Variants in PALLD observed in about 807,000 individuals in gnomAD.
PALLD encodes the protein palladin.
PALLD carries 61 observed loss-of-function variants against 123.5 expected under a neutral mutation model. The observed-to-expected ratio is 0.49, with a 90% CI of 0.40 to 0.61. PALLD has a LOEUF of 0.61. PALLD is among the 20% of genes least tolerant of loss of function. The probability of loss-of-function intolerance (pLI) is 0.00; values close to 1 mark genes in which losing one functional copy is unlikely to be tolerated. For missense variants in PALLD, 1,273 were observed against 1,377.0 expected, an observed-to-expected ratio of 0.92 and a Z score of 1.20; for synonymous variants, 465 against 496.4, an observed-to-expected ratio of 0.94 and a Z score of 0.84.
chr4:168,667,882 A>G (rs527711924), intron 2 of PALLD, among the ~76,000 whole-genome samples: 296 of 152,340 alleles, frequency 1.9e-3, no homozygotes, highest in African/African-American at 6.8e-3. Context: ...TATTTGTTAT[A>G]AAGCATTTTA....
intron 2 of PALLD, among the ~76,000 whole-genome samples, chr4:168,560,583 G>A (rs948189974): frequency 1.3e-5 from 2 of 152,154 alleles, no homozygotes; most frequent in African/African-American, 4.8e-5. Flanking sequence ...ATCCTAAAAT[G>A]ATTTAAGTGA....
At chr4:168,773,367 A>G (rs2150511195) in intron 10 of PALLD, among the ~76,000 whole-genome samples, 1 of 152,316 alleles carries the variant, frequency 6.6e-6, no homozygotes, top group South Asian at 2.1e-4. Context: ...AGCCCTAGAA[A>G]TAGTCTGGAC....
intron 10 of PALLD, among the ~76,000 whole-genome samples, chr4:168,802,261 C>T (rs1249587858): frequency 2.0e-5 from 3 of 152,168 alleles, no homozygotes; most frequent in Non-Finnish European, 2.9e-5. Flanking sequence ...ACAATAGGAT[C>T]GCTCAAACAA....
intron 10 of PALLD, among the ~76,000 whole-genome samples, chr4:168,785,167 T>A (rs1026496002): frequency 4.0e-5 from 6 of 150,908 alleles, no homozygotes; most frequent in Admixed American, 2.0e-4. Flanking sequence ...GCTGTTAGTA[T>A]GGAATTAGTT....
chr4:168,923,936 G>C (rs367714805), intron 18 of PALLD, among the ~76,000 whole-genome samples: 1 of 151,670 alleles, frequency 6.6e-6, no homozygotes, highest in African/African-American at 2.4e-5. Context: ...ATCACTAGTA[G>C]TGAAGCCATC....
At chr4:168,505,062 T>C (rs1334585378) in intron 1 of PALLD, 4 of 152,252 alleles carry the variant, frequency 2.6e-5, no homozygotes, top group Non-Finnish European at 5.9e-5. Context: ...TTTGGAGTGC[T>C]GACTGACATG....
Position 168,668,347 on chromosome 4 carries a change from TCTG to T in PALLD, c.1070_1072del (p.Ala357del). On this transcript the variant is annotated inframe_deletion, in exon 3 of 22. Coordinates refer to ENST00000505667, the MANE Select transcript of PALLD (RefSeq NM_001166108.2). ...GAATCCCAGCGGCTCAGACACAACA[TCTG>T]CTGAGGTGTTCATTGAAGGTAAGGA... is the stretch of plus-strand genomic sequence containing the variant. 1 of 1,609,036 alleles carries T rather than the reference TCTG, an allele frequency of 6.2e-7. No homozygotes were observed.
At chr4:168,737,465 C>T (rs1024815402) in intron 10 of PALLD, among the ~76,000 whole-genome samples, 3 of 151,942 alleles carry the variant, frequency 2.0e-5, no homozygotes, top group African/African-American at 7.2e-5. Context: ...AGGGTTTTCT[C>T]TATGTACAAC....
intron 3 of PALLD, among the ~76,000 whole-genome samples, chr4:168,673,658 AG>A (rs1780527291): frequency 1.3e-5 from 2 of 152,252 alleles, no homozygotes; most frequent in South Asian, 4.1e-4. Flanking sequence ...GTGCCTCAGG[AG>A]GATATGGCGG....
intron 9 of PALLD, among the ~76,000 whole-genome samples, chr4:168,710,476 AC>A (rs1784729991): frequency 6.6e-6 from 1 of 152,214 alleles, no homozygotes. Context: ...CTTGGAGAGA[AC>A]AACTGAATTG....
chr4:168,867,730 C>T (rs950287393), intron 10 of PALLD, among the ~76,000 whole-genome samples: 2 of 151,862 alleles, frequency 1.3e-5, no homozygotes, highest in Non-Finnish European at 1.5e-5. Context: ...TTATATTGTT[C>T]GTACCAGCAA....
rs1310275178 is a variant in PALLD at position 168,926,627 on chromosome 4, G to A, written c.*447G>A. 9 of 416,126 alleles carry A rather than the reference G, an allele frequency of 2.2e-5. No homozygotes were observed. Among genetic ancestry groups the A allele is most frequent in the Admixed American group, 4.0e-5 (1 of 25,258 alleles). 25.8% of individuals were successfully genotyped at this position (416,126 alleles called of 1,614,324 possible). ...CTGTCCAATTTAAAACTTTGGAATTGCTGTGATTAAAGTGATCAAAATGCC... is the reference window on the plus strand; with the variant it reads ...CTGTCCAATTTAAAACTTTGGAATTACTGTGATTAAAGTGATCAAAATGCC... On this transcript the variant is annotated 3_prime_UTR_variant, in exon 22 of 22. Coordinates refer to ENST00000505667, the MANE Select transcript of PALLD (RefSeq NM_001166108.2).
rs761143063 is a variant in PALLD, at chr4:168,681,446, C to T, written c.1154+48C>T. On this transcript the variant is annotated intron_variant, in intron 4 of 21. Transcript: ENST00000505667. ...ATTATGTGGAAACAAAGAATGGCAA[C>T]AGAATGGTTGGGGTATGAAACCATG... The T allele has an allele frequency of 5.0e-6, 6 of 1,202,664 alleles. No homozygotes were observed. In the African/African-American group the frequency reaches 9.1e-5, roughly 18 times the overall value. 74.5% of individuals were successfully genotyped at this position (1,202,664 alleles called of 1,614,324 possible).
chr4:168,697,112 C>T (rs982157329), intron 8 of PALLD, among the ~76,000 whole-genome samples: 6 of 152,138 alleles, frequency 3.9e-5, no homozygotes, highest in Non-Finnish European at 7.3e-5. Flanking sequence ...TAGCTTAGGC[C>T]TTCTCAGCAG....
chr4:168,600,030 C>CATACATATGTATACACACATAT (rs1416506240), intron 2 of PALLD, among the ~76,000 whole-genome samples: 1 of 144,824 alleles, frequency 6.9e-6, no homozygotes, highest in African/African-American at 2.7e-5. Context: ...TGTACACACA[C>CATACATATGTATACACACATAT]ATACATACAT....
At position 168,654,476 on chromosome 4, in the gene PALLD, C is replaced by T. The variant is rs139747629; in HGVS notation, c.909-13714C>T. 6.0e-3 allele frequency among the ~76,000 whole-genome samples: 911 copies of T among 152,132 alleles called. 12 individuals are homozygous for T. Among genetic ancestry groups the T allele is most frequent in the African/African-American group, 0.021 (858 of 41,510 alleles). On this transcript the variant is annotated intron_variant, in intron 2 of 21. Transcript: ENST00000505667. ...GAAGAACATTTTCATCATGACATAACGAAAACTGTATTTTTCAAAGAAAAA... is the reference window on the plus strand; with the variant it reads ...GAAGAACATTTTCATCATGACATAATGAAAACTGTATTTTTCAAAGAAAAA...
chr4:168,499,249 A>AGGGAGGGAGGAT (rs1761089871), intron 1 of PALLD, among the ~76,000 whole-genome samples: 1 of 113,712 alleles, frequency 8.8e-6, no homozygotes, highest in Non-Finnish European at 1.8e-5. Flanking sequence ...GGAAGGGAGA[A>AGGGAGGGAGGAT]GGGAGGGAGG....
intron 2 of PALLD, among the ~76,000 whole-genome samples, chr4:168,566,527 G>C (rs546409957): frequency 4.5e-4 from 69 of 152,054 alleles, no homozygotes; most frequent in African/African-American, 1.6e-3. Flanking sequence ...CAAACTCCTA[G>C]TCCTATGAGT....
rs562946142 is a variant in PALLD at position 168,767,597 on chromosome 4, G to A, written c.1964+55674G>A. ...AGTTTCGCTCTTGTTGCCCAGGCTG[G>A]CCTGCAGTGGCGCGATCTCAGCTCA... is the stretch of plus-strand genomic sequence containing the variant. On this transcript the variant is annotated intron_variant, in intron 10 of 21. Transcript: ENST00000505667. Among the ~76,000 whole-genome samples the A allele has an allele frequency of 7.4e-5, 11 of 147,764 alleles. No individual in the cohort carries two copies. The South Asian group carries it at 2.3e-3, about 31-fold the overall frequency.
Sources: gnomAD v4.1 joint callset for allele counts (sites outside exome capture counted in the v4.1 genomes callset) on GRCh38, gnomAD v4.1.1 for gene constraint, MANE v1.5 for transcripts, NCBI Gene and HGNC (gene_info 2026-07-23, HGNC 2026-07-21) for gene names.